The following SHANK2 variants were observed in gnomAD, a reference collection of about 807,000 sequenced individuals.
SHANK2 encodes SH3 and multiple ankyrin repeat domains protein 2.
SHANK2 carries 43 observed loss-of-function variants against 133.7 expected under a neutral mutation model. That is an observed-to-expected ratio of 0.32 (90% CI 0.25 to 0.41). The LOEUF (loss-of-function observed/expected upper bound fraction) is 0.41, where lower values mean the gene tolerates loss of function less well. Among genes scored for constraint, SHANK2 ranks in the 10% least tolerant of loss-of-function variants. SHANK2 has a pLI of 1.00. For missense variants in SHANK2, 1,994 were observed against 2,235.8 expected (o/e 0.89, Z 2.18); for synonymous variants, 1,017 against 952.8 (o/e 1.07, Z -1.24).
intron 11 of SHANK2, among the ~76,000 whole-genome samples, chr11:70,878,706 T>A (rs180935033): frequency 6.6e-6 from 1 of 152,180 alleles, no homozygotes; most frequent in Non-Finnish European, 1.5e-5. Flanking sequence ...GAGTTTGCCA[T>A]GAGAGGTGAA....
At chr11:71,228,300 G>C (rs1954677596) in intron 1 of SHANK2, among the ~76,000 whole-genome samples, 2 of 152,136 alleles carry the variant, frequency 1.3e-5, no homozygotes, top group South Asian at 4.1e-4. Flanking sequence ...GAAATCTTTA[G>C]ACCTAAATGA....
Position 70,866,923 on chromosome 11 carries a change from C to A in SHANK2, c.1174+29578G>T, listed in dbSNP as rs184313973. ...AGCATCTCTAGGTAACACAGGAGGA[C>A]AGATCAACAACCACACCAGCCTCTG... On this transcript the variant is annotated intron_variant, in intron 11 of 25. Transcript: ENST00000601538. 4.4e-3 allele frequency among the ~76,000 whole-genome samples: 673 copies of A among 152,064 alleles called. 4 individuals are homozygous for A. Among genetic ancestry groups the A allele is most frequent in the African/African-American group, 0.015 (629 of 41,486 alleles).
At chr11:70,776,479 G>A (rs1392644010) in intron 14 of SHANK2, among the ~76,000 whole-genome samples, 1 of 152,174 alleles carries the variant, frequency 6.6e-6, no homozygotes, top group Admixed American at 6.5e-5. Flanking sequence ...CAGTGATGTT[G>A]CTGGTATCGC....
intron 14 of SHANK2, among the ~76,000 whole-genome samples, chr11:70,778,355 C>A (rs1224393392): frequency 6.6e-6 from 1 of 152,178 alleles, no homozygotes. Context: ...AAGGGTGAAA[C>A]TGAGAAGTCA....
chr11:70,852,042 C>T (rs1233836914), intron 11 of SHANK2, among the ~76,000 whole-genome samples: 8 of 152,190 alleles, frequency 5.3e-5, no homozygotes, highest in Non-Finnish European at 4.4e-5. Flanking sequence ...CTTTTAAAAC[C>T]AAGACCTTCT....
In SHANK2 at chr11:70,894,947, G is replaced by A. The variant is rs547134734; in HGVS notation, c.1174+1554C>T. Among the ~76,000 whole-genome samples, 17 of 152,336 alleles carry A rather than the reference G, an allele frequency of 1.1e-4. No individual in the cohort carries two copies. In the East Asian group the frequency reaches 1.2e-3, roughly 10 times the overall value. On this transcript the variant is annotated intron_variant, in intron 11 of 25. Transcript: ENST00000601538. ...CATATTAGGGAGGCAGCAGGAAGAC[G>A]GTCTCTGGCACTCTGAGAGCTCAGT...
At chr11:70,626,987 G>A (rs1295378459) in intron 17 of SHANK2, among the ~76,000 whole-genome samples, 4 of 152,212 alleles carry the variant, frequency 2.6e-5, no homozygotes, top group African/African-American at 4.8e-5. Flanking sequence ...CAGGGACCCC[G>A]GGAGGCCCTT....
At chr11:71,238,475 G>A (rs1591045773) in intron 1 of SHANK2, among the ~76,000 whole-genome samples, 1 of 152,344 alleles carries the variant, frequency 6.6e-6, no homozygotes, top group South Asian at 2.1e-4. Context: ...AGGCCAACTG[G>A]CCTGTCCAAG....
intron 6 of SHANK2, among the ~76,000 whole-genome samples, chr11:71,108,941 C>A (rs1951844066): frequency 6.6e-6 from 1 of 152,210 alleles, no homozygotes; most frequent in South Asian, 2.1e-4. Flanking sequence ...CAGCGGGCCC[C>A]CCCCCAGCGT....
intron 5 of SHANK2, among the ~76,000 whole-genome samples, chr11:71,110,369 C>G (rs907782459): frequency 1.3e-5 from 2 of 152,084 alleles, no homozygotes; most frequent in South Asian, 4.1e-4. Flanking sequence ...ACCTGGGAGG[C>G]GGAGCTTGCA....
intron 17 of SHANK2, among the ~76,000 whole-genome samples, chr11:70,531,482 G>A (rs984980739): frequency 2.0e-5 from 3 of 152,224 alleles, no homozygotes; most frequent in Non-Finnish European, 2.9e-5. Context: ...GCGGGTGGAC[G>A]ACTGTTCCCA....
intron 4 of SHANK2, among the ~76,000 whole-genome samples, chr11:71,115,149 A>G (rs1202710980): frequency 1.3e-5 from 2 of 152,182 alleles, no homozygotes; most frequent in African/African-American, 4.8e-5. Flanking sequence ...TGGGTCATGC[A>G]AAGGAGATTA....
rs372932702 is a variant in SHANK2, at chr11:70,481,525, G to A, written c.4979+3789C>T. 1.4e-3 allele frequency among the ~76,000 whole-genome samples: 208 copies of A among 152,358 alleles called. 1 individual carries two copies. Among genetic ancestry groups the A allele is most frequent in the African/African-American group, 4.9e-3 (204 of 41,582 alleles). On this transcript the variant is annotated intron_variant, in intron 25 of 25. Transcript: ENST00000601538. ...TGAGGTTTCTGCCCATTTCATGAAT[G>A]AACATTTGAGGAACAGCTCTAAAAA...
At chr11:71,086,671 T>C (rs1250443768) in intron 8 of SHANK2, among the ~76,000 whole-genome samples, 7 of 151,560 alleles carry the variant, frequency 4.6e-5, no homozygotes, top group Non-Finnish European at 1.0e-4. Flanking sequence ...GATGAGATCC[T>C]GCTAGAGATG....
At chr11:70,834,196 T>A (rs1565349802) in intron 11 of SHANK2, among the ~76,000 whole-genome samples, 1 of 152,238 alleles carries the variant, frequency 6.6e-6, no homozygotes, top group Non-Finnish European at 1.5e-5. Context: ...GGGGAGCACC[T>A]GAGCCTATTT....
At position 71,118,862 on chromosome 11, in the gene SHANK2, T is replaced by C. The variant is rs1555100893; in HGVS notation, c.378A>G (p.Pro126=). Reference sequence around the variant, plus strand: ...AAGGAACGCCCTCACCCACGGGCTGTGGGTACTCGCGCAGGAGCCGCTCCT... The same window carrying C: ...AAGGAACGCCCTCACCCACGGGCTGCGGGTACTCGCGCAGGAGCCGCTCCT... ...LDEERLLREY[P]QPVGEGVPSL... is the part of the protein sequence containing the mutation. Residue 126 remains proline (P), a synonymous_variant, in exon 4 of 26, where the codon CCA becomes CCG. Transcript: ENST00000601538. The C allele has an allele frequency of 6.4e-7, 1 of 1,551,590 alleles. No individual in the cohort carries two copies.
In SHANK2 at chr11:70,883,005, G is replaced by C. The variant is rs552049739; in HGVS notation, c.1174+13496C>G. Among the ~76,000 whole-genome samples, 11 of 152,314 alleles carry C rather than the reference G, an allele frequency of 7.2e-5. No homozygotes were observed. In the South Asian group the frequency reaches 2.3e-3, roughly 32 times the overall value. On this transcript the variant is annotated intron_variant, in intron 11 of 25. Transcript: ENST00000601538. Reference sequence around the variant, plus strand: ...GTCCCAGAGGTCAAGGTGGCAGAGAGAGAAGCAGTGTTATGGGCAGCCTTA... The same window carrying C: ...GTCCCAGAGGTCAAGGTGGCAGAGACAGAAGCAGTGTTATGGGCAGCCTTA...
intron 15 of SHANK2, among the ~76,000 whole-genome samples, chr11:70,689,370 C>T (rs967221110): frequency 9.2e-5 from 14 of 152,092 alleles, no homozygotes; most frequent in East Asian, 1.9e-4. Context: ...AAAGAGGAAG[C>T]GATGGAATTG....
In SHANK2 at chr11:70,500,674, G is replaced by T; in HGVS notation, c.2288-84C>A. On this transcript the variant is annotated intron_variant, in intron 20 of 25. Transcript: ENST00000601538. The surrounding 1 kb of genome is among the most constrained non-coding windows in gnomAD (Gnocchi z 4.5). ...TACACTCGGGCCTTGTCAGCTCAGG[G>T]CGCCTCAGGAGCAGGCTGGGCCGGC... 1 of 1,549,554 alleles carries T rather than the reference G, an allele frequency of 6.5e-7. No homozygotes were observed. Among genetic ancestry groups the T allele is most frequent in the Non-Finnish European group, 8.7e-7 (1 of 1,142,894 alleles).
Sources: gnomAD v4.1 joint callset for allele counts (sites outside exome capture counted in the v4.1 genomes callset) on GRCh38, gnomAD v4.1.1 for gene constraint, Gnocchi (gnomAD v3.1) non-coding constraint, MANE v1.5 for transcripts, NCBI Gene and HGNC (gene_info 2026-07-23, HGNC 2026-07-21) for gene names.